The following RDX variants were observed in gnomAD, a reference collection of about 807,000 sequenced individuals.
RDX encodes deafness, autosomal recessive 24.
A neutral mutation model predicts 83.7 loss-of-function variants in RDX; 32 were observed. The observed-to-expected ratio is 0.38, with a 90% CI of 0.29 to 0.51. RDX has a LOEUF of 0.51. Among genes scored for constraint, RDX ranks in the 20% least tolerant of loss-of-function variants. The pLI is 0.87. For missense variants in RDX, 600 were observed against 689.9 expected (o/e 0.87, Z 1.46); for synonymous variants, 229 against 222.7 (o/e 1.03, Z -0.25).
intron 1 of RDX, among the ~76,000 whole-genome samples, chr11:110,281,958 A>C (rs1381566776): frequency 1.5e-5 from 2 of 134,736 alleles, no homozygotes; most frequent in Admixed American, 7.4e-5. Flanking sequence ...AAAAAAAAAA[A>C]CCAAACAAAC....
Position 110,253,998 on chromosome 11 carries a change from G to A in RDX, c.907C>T (p.Gln303Ter). Residue 303 changes from glutamine to a stop codon, truncating the protein, a stop_gained, in exon 9 of 14, where the codon CAA becomes TAA. Transcript: ENST00000645495. LOFTEE classifies it high-confidence loss of function. ...TCCCTAGCCTGAGCCTTCATCTGTT[G>A]TACTTCAATAGTATCAGGCTTCCTT... ...RRRKPDTIEVQQMKAQAREEK... is the reference protein window; with the variant it reads ...RRRKPDTIEV The A allele has an allele frequency of 6.2e-7, 1 of 1,613,718 alleles. No individual in the cohort carries two copies. Among genetic ancestry groups the A allele is most frequent in the Non-Finnish European group, 8.5e-7 (1 of 1,179,846 alleles).
At chr11:110,187,637 C>T (rs546159302) in intron 15 of RDX, among the ~76,000 whole-genome samples, 4 of 152,326 alleles carry the variant, frequency 2.6e-5, no homozygotes, top group East Asian at 3.9e-4. Flanking sequence ...CCTCTGGGTG[C>T]TTGATGGCTG....
chr11:110,238,217 A>G (rs1476637141), intron 10 of RDX, among the ~76,000 whole-genome samples: 2 of 152,220 alleles, frequency 1.3e-5, no homozygotes, highest in African/African-American at 4.8e-5. Context: ...GATTATATGA[A>G]TTATTGAAAA....
chr11:110,222,928 T>C (rs956242704), intron 14 of RDX, among the ~76,000 whole-genome samples: 1 of 152,204 alleles, frequency 6.6e-6, no homozygotes, highest in Non-Finnish European at 1.5e-5. Flanking sequence ...ACCTAAAGGT[T>C]TTAAGAAACC....
chr11:110,262,271 C>A (rs995292310), intron 5 of RDX, among the ~76,000 whole-genome samples: 1 of 152,008 alleles, frequency 6.6e-6, no homozygotes, highest in African/African-American at 2.4e-5. Context: ...AATTAAAGGG[C>A]GGAACACTGT....
intron 5 of RDX, among the ~76,000 whole-genome samples, chr11:110,258,440 CA>C (rs1859641071): frequency 6.6e-6 from 1 of 152,126 alleles, no homozygotes; most frequent in South Asian, 2.1e-4. Flanking sequence ...TGTAGTTACA[CA>C]AGATGTTACC....
chr11:110,282,722 T>A (rs140931918), intron 1 of RDX, among the ~76,000 whole-genome samples: 1 of 152,328 alleles, frequency 6.6e-6, no homozygotes, highest in East Asian at 1.9e-4. Context: ...CTCACACCTG[T>A]AATTCCAGCA....
At chr11:110,226,883 C>T (rs1409504741), downstream of RDX, among the ~76,000 whole-genome samples, 4 of 152,056 alleles carry the variant, frequency 2.6e-5, no homozygotes, top group South Asian at 2.1e-4. Context: ...CATACCGAAA[C>T]GTATACTGAG....
chr11:110,235,651 T>C (rs929369066), intron 12 of RDX, among the ~76,000 whole-genome samples: 4 of 152,196 alleles, frequency 2.6e-5, no homozygotes, highest in African/African-American at 7.2e-5. Context: ...TTCCCTATTA[T>C]CAAACTTGAG....
At chr11:110,265,372 G>A (rs1047719852) in intron 3 of RDX, among the ~76,000 whole-genome samples, 4 of 151,926 alleles carry the variant, frequency 2.6e-5, no homozygotes, top group Non-Finnish European at 4.4e-5. Flanking sequence ...GATTATAGGC[G>A]TAAGCCACTG....
intron 9 of RDX, among the ~76,000 whole-genome samples, chr11:110,250,052 T>C (rs1369346752): frequency 6.6e-6 from 1 of 152,188 alleles, no homozygotes; most frequent in Non-Finnish European, 1.5e-5. Flanking sequence ...TCTTTCTCTT[T>C]ATCCTATTTC....
At chr11:110,265,388 G>A (rs985645253) in intron 3 of RDX, among the ~76,000 whole-genome samples, 1 of 151,642 alleles carries the variant, frequency 6.6e-6, no homozygotes, top group African/African-American at 2.4e-5. Context: ...CACTGCACCT[G>A]GCCTCTAATC....
intron 1 of RDX, among the ~76,000 whole-genome samples, chr11:110,285,276 T>C (rs936672313): frequency 6.6e-6 from 1 of 151,788 alleles, no homozygotes; most frequent in Non-Finnish European, 1.5e-5. Flanking sequence ...TCTCAGCTAC[T>C]GGGGAGGCTG....
chr11:110,199,723 A>C (rs1329386787), intron 14 of RDX: 1 of 702,850 alleles, frequency 1.4e-6, no homozygotes, highest in Non-Finnish European at 2.6e-6. Context: ...TTAGCAAAAG[A>C]ACACAGTAGG....
In RDX at chr11:110,207,598, T is replaced by G. The variant is rs143559969; in HGVS notation, c.1749-7920A>C. Among the ~76,000 whole-genome samples, 25 of 152,160 alleles carry G rather than the reference T, an allele frequency of 1.6e-4. No individual in the cohort carries two copies. In the South Asian group the frequency reaches 4.8e-3, roughly 29 times the overall value. ...TTCCCATCTGTTTTTGTACAGAATG[T>G]GATTTAAGAATGTTTTTTACCTTTT... On this transcript the variant is annotated intron_variant, in intron 14 of 15. Coordinates refer to the RDX transcript ENST00000528498.
chr11:110,282,018 G>C (rs1466695643), intron 1 of RDX, among the ~76,000 whole-genome samples: 1 of 150,756 alleles, frequency 6.6e-6, no homozygotes, highest in Non-Finnish European at 1.5e-5. Flanking sequence ...TTGAGCCTGG[G>C]AAGTGCAGGT....
downstream of RDX, among the ~76,000 whole-genome samples, chr11:110,227,881 T>C (rs1864484744): frequency 6.6e-6 from 1 of 152,102 alleles, no homozygotes. Flanking sequence ...AAAAATTGTG[T>C]AGGAAATACT....
At position 110,258,056 on chromosome 11, in the gene RDX, A is replaced by G. The variant is rs1286049003; in HGVS notation, c.551+50T>C. 2.0e-6 allele frequency: 3 copies of G among 1,494,694 alleles called. No homozygotes were observed. In the Admixed American group the frequency reaches 5.1e-5, roughly 25 times the overall value. The allele number at this position is 1,494,694 out of a possible 1,614,324, so 92.6% of individuals were successfully genotyped here. A position where few individuals can be genotyped will look rare whatever the true frequency, so the allele number is the denominator to read the frequency against. On this transcript the variant is annotated intron_variant, in intron 6 of 13. Transcript: ENST00000645495. ...ATGTAATAATAAATGTTACGACATG[A>G]AAATACTTTGAAGGAAAAAAGAAAA...
At chr11:110,178,087 C>T (rs1024768375) in intron 15 of RDX, among the ~76,000 whole-genome samples, 2 of 152,132 alleles carry the variant, frequency 1.3e-5, no homozygotes, top group Non-Finnish European at 2.9e-5. Context: ...TCACAGTATG[C>T]CTGGCAAGCA....
Sources: allele counts gnomAD v4.1 joint callset (sites outside exome capture counted in the v4.1 genomes callset), GRCh38; gene constraint gnomAD v4.1.1; transcripts MANE v1.5; gene names NCBI Gene and HGNC (gene_info 2026-07-23, HGNC 2026-07-21).